KCNH8: variants seen among roughly 807,000 people sequenced by gnomAD.
KCNH8 encodes the protein potassium voltage-gated channel subfamily H member 8.
KCNH8 carries 70 observed loss-of-function variants against 103.6 expected under a neutral mutation model. That is an observed-to-expected ratio of 0.68 (90% CI 0.56 to 0.82). The LOEUF is 0.82. KCNH8 is among the 40% of genes least tolerant of loss of function. KCNH8 has a pLI of 0.00. For missense variants in KCNH8, 1,217 were observed against 1,329.9 expected, an observed-to-expected ratio of 0.92 and a Z score of 1.32; for synonymous variants, 498 against 489.4, an observed-to-expected ratio of 1.02 and a Z score of -0.23.
intron 11 of KCNH8, among the ~76,000 whole-genome samples, chr3:19,495,354 T>C (rs909544413): frequency 1.3e-5 from 2 of 152,166 alleles, no homozygotes; most frequent in African/African-American, 2.4e-5. Context: ...CTTGAATTCA[T>C]CTTGAGTTAA....
chr3:19,419,194 G>GTTTTTTTTTTTTTTTTTTTTT lies in KCNH8; in HGVS notation c.1178-18970_1178-18969insTTTTTTTTTTTTTTTTTTTTT, dbSNP rs1491504046. Among the ~76,000 whole-genome samples, 6 of 64,118 alleles carry GTTTTTTTTTTTTTTTTTTTTT rather than the reference G, an allele frequency of 9.4e-5. 3 individuals carry two copies. The highest frequency in any genetic ancestry group is 3.7e-4 in the Admixed American group (2 of 5,396). 42.1% of individuals were successfully genotyped at this position (64,118 alleles called of 152,430 possible). ...AAAAAGAAGTAATTAAAATGGTTTT[G>GTTTTTTTTTTTTTTTTTTTTT]GTTTTTTTTTTTTTTTTTTTTTTGA... On this transcript the variant is annotated intron_variant, in intron 7 of 15. Transcript: ENST00000328405.
chr3:19,264,193 C>A lies in KCNH8; in HGVS notation c.310+10306C>A, dbSNP rs142309619. Among the ~76,000 whole-genome samples the A allele has an allele frequency of 5.9e-5, 9 of 152,154 alleles. No homozygotes were observed. The East Asian group carries it at 1.7e-3, about 30-fold the overall frequency. On this transcript the variant is annotated intron_variant, in intron 2 of 15. Coordinates refer to ENST00000328405, the MANE Select transcript of KCNH8 (RefSeq NM_144633.3). ...TTTTGCATTCAAGAGGTGAATCTCA[C>A]AAATGCATTTATGGAAGACAACTTC...
At chr3:19,505,254 T>G (rs1157380816) in intron 11 of KCNH8, among the ~76,000 whole-genome samples, 1 of 151,800 alleles carries the variant, frequency 6.6e-6, no homozygotes, top group South Asian at 2.1e-4. Flanking sequence ...AACTAAATGA[T>G]GAAAACACAT....
chr3:19,167,305 A>G (rs2063295125), intron 1 of KCNH8, among the ~76,000 whole-genome samples: 1 of 152,236 alleles, frequency 6.6e-6, no homozygotes, highest in Non-Finnish European at 1.5e-5. Context: ...TCTCATAGGC[A>G]TTGAAGCAAT....
intron 5 of KCNH8, among the ~76,000 whole-genome samples, chr3:19,350,030 T>C (rs1249188052): frequency 6.6e-6 from 1 of 152,168 alleles, no homozygotes; most frequent in Non-Finnish European, 1.5e-5. Context: ...TTGACCAACT[T>C]ATTTTTATAA....
chr3:19,458,496 T>C (rs2067568920), intron 11 of KCNH8, among the ~76,000 whole-genome samples: 1 of 151,924 alleles, frequency 6.6e-6, no homozygotes, highest in Non-Finnish European at 1.5e-5. Context: ...TTTAAAAAAT[T>C]CGTGGCATAC....
chr3:19,202,479 T>C (rs1185332987), intron 1 of KCNH8, among the ~76,000 whole-genome samples: 4 of 152,090 alleles, frequency 2.6e-5, no homozygotes, highest in Admixed American at 6.6e-5. Context: ...CCAAAGACTA[T>C]GTGAATTGTG....
chr3:19,410,878 C>CAAAAAA (rs4021206), intron 7 of KCNH8, among the ~76,000 whole-genome samples: 2 of 63,366 alleles, frequency 3.2e-5, no homozygotes, highest in Non-Finnish European at 7.5e-5. Flanking sequence ...GCCTACCAAG[C>CAAAAAA]AAAAAAAAAA....
intron 1 of KCNH8, among the ~76,000 whole-genome samples, chr3:19,230,894 C>T (rs2063986936): frequency 6.6e-6 from 1 of 152,114 alleles, no homozygotes; most frequent in South Asian, 2.1e-4. Context: ...ATGTCCTTAC[C>T]ATTTGAATCA....
At chr3:19,478,210 A>G (rs1031141635) in intron 11 of KCNH8, among the ~76,000 whole-genome samples, 1 of 151,792 alleles carries the variant, frequency 6.6e-6, no homozygotes, top group Admixed American at 6.6e-5. Context: ...TTGATTCCAT[A>G]TCTTTGCTAT....
At chr3:19,316,832 A>T (rs527352202) in intron 3 of KCNH8, among the ~76,000 whole-genome samples, 5 of 152,076 alleles carry the variant, frequency 3.3e-5, no homozygotes, top group African/African-American at 1.2e-4. Context: ...CAGATTGCCT[A>T]CTTTTCCTTA....
intron 11 of KCNH8, among the ~76,000 whole-genome samples, chr3:19,490,055 C>A (rs2068285686): frequency 6.6e-6 from 1 of 152,236 alleles, no homozygotes; most frequent in African/African-American, 2.4e-5. Context: ...GTCCACCGCT[C>A]TGACGAGGCG....
intron 7 of KCNH8, among the ~76,000 whole-genome samples, chr3:19,423,570 C>G (rs1030459975): frequency 4.6e-5 from 7 of 151,942 alleles, no homozygotes; most frequent in African/African-American, 1.7e-4. Context: ...GTAGTGGTCT[C>G]CAATTCCATC....
intron 1 of KCNH8, among the ~76,000 whole-genome samples, chr3:19,184,765 A>G (rs1024907225): frequency 1.3e-5 from 2 of 151,948 alleles, no homozygotes; most frequent in African/African-American, 4.8e-5. Flanking sequence ...AACAAGTGGG[A>G]GAAATGCAAA....
intron 1 of KCNH8, among the ~76,000 whole-genome samples, chr3:19,219,779 T>A (rs2063854295): frequency 6.6e-6 from 1 of 152,152 alleles, no homozygotes; most frequent in African/African-American, 2.4e-5. Context: ...AGAGGCCTCA[T>A]CTGACTTGGT....
At chr3:19,322,919 G>A (rs1418086058) in intron 3 of KCNH8, among the ~76,000 whole-genome samples, 2 of 152,040 alleles carry the variant, frequency 1.3e-5, no homozygotes, top group African/African-American at 4.8e-5. Context: ...ATTGGCTTGG[G>A]TTAATTCAAA....
At chr3:19,148,860 C>T in intron 1 of KCNH8, 65 bp downstream of exon 1, 6 of 1,380,902 alleles carry the variant, frequency 4.3e-6, no homozygotes, top group Admixed American at 1.7e-5. Flanking sequence ...GTACACATTA[C>T]TTTTGCTCCC....
chr3:19,249,592 C>T (rs993768911), intron 1 of KCNH8, among the ~76,000 whole-genome samples: 13 of 152,242 alleles, frequency 8.5e-5, no homozygotes, highest in African/African-American at 3.1e-4. Flanking sequence ...TTTATTGTAG[C>T]TCTGAGGGAC....
At chr3:19,390,758 G>T in intron 6 of KCNH8, 120 bp downstream of exon 6, 1 of 890,486 alleles carries the variant, frequency 1.1e-6, no homozygotes, top group Non-Finnish European at 1.7e-6. Context: ...CAATAAAGAT[G>T]CCCTGATGCC....
Sources: gnomAD v4.1 joint callset for allele counts (sites outside exome capture counted in the v4.1 genomes callset) on GRCh38, gnomAD v4.1.1 for gene constraint, MANE v1.5 for transcripts, NCBI Gene and HGNC (gene_info 2026-07-23, HGNC 2026-07-21) for gene names.